STXBP6: variants seen among roughly 807,000 people sequenced by gnomAD.
STXBP6 encodes syntaxin-binding protein 6.
Under a neutral mutation model 26.9 loss-of-function variants are expected in STXBP6, and 21 were observed. That is an observed-to-expected ratio of 0.78 (90% CI 0.55 to 1.12). STXBP6 has a LOEUF of 1.12. STXBP6 is among the 50% of genes most tolerant of loss of function. The pLI, the probability that STXBP6 is intolerant of heterozygous loss-of-function variation, is 0.00. For synonymous variants in STXBP6, 97 were observed against 92.6 expected (o/e 1.05, Z -0.27); for missense variants, 232 against 257.9 (o/e 0.90, Z 0.69).
intron 2 of STXBP6, among the ~76,000 whole-genome samples, chr14:24,864,060 A>T (rs2139258413): frequency 6.6e-6 from 1 of 152,278 alleles, no homozygotes; most frequent in South Asian, 2.1e-4. Flanking sequence ...AGATAATGGA[A>T]GGGGTTAACT....
At chr14:24,965,522 C>T (rs2073707844) in intron 2 of STXBP6, among the ~76,000 whole-genome samples, 1 of 151,678 alleles carries the variant, frequency 6.6e-6, no homozygotes, top group African/African-American at 2.4e-5. Flanking sequence ...AGTGAGTATC[C>T]CACTAATGAT....
At chr14:25,024,864 A>G (rs148797562) in intron 1 of STXBP6, among the ~76,000 whole-genome samples, 2,195 of 152,336 alleles carry the variant, frequency 0.014, 46 homozygotes, top group African/African-American at 0.048. Context: ...CTTATGAAGC[A>G]TTATTATAGG....
chr14:24,873,674 G>T (rs1444775232), intron 2 of STXBP6, among the ~76,000 whole-genome samples: 1 of 152,130 alleles, frequency 6.6e-6, no homozygotes, highest in Non-Finnish European at 1.5e-5. Context: ...TGCGACATTT[G>T]TTTTTCCTCC....
chr14:24,891,161 A>T (rs1324491608), intron 2 of STXBP6, among the ~76,000 whole-genome samples: 1 of 152,192 alleles, frequency 6.6e-6, no homozygotes. Flanking sequence ...CAGTATGTTA[A>T]TTACGGATGC....
intron 2 of STXBP6, among the ~76,000 whole-genome samples, chr14:24,897,923 C>T (rs2139601882): frequency 6.6e-6 from 1 of 152,178 alleles, no homozygotes; most frequent in Non-Finnish European, 1.5e-5. Flanking sequence ...CCTCCTGGTC[C>T]CCTGAGTGTA....
intron 1 of STXBP6, among the ~76,000 whole-genome samples, chr14:25,013,831 T>A (rs938247892): frequency 6.6e-6 from 1 of 151,048 alleles, no homozygotes; most frequent in African/African-American, 2.4e-5. Flanking sequence ...TCAACTGCAA[T>A]GTGTAGACCT....
At chr14:24,948,710 A>G (rs2140040531) in intron 2 of STXBP6, among the ~76,000 whole-genome samples, 1 of 152,306 alleles carries the variant, frequency 6.6e-6, no homozygotes, top group Non-Finnish European at 1.5e-5. Flanking sequence ...TAGGTTGTAG[A>G]GTTTATCCTT....
chr14:24,810,030 T>C lies in STXBP6; in HGVS notation c.*2679A>G, dbSNP rs1251701982. ...TACATTTTACAAATACATTCTTTAA[T>C]ATGAAACATTAACCTGAATAACTGC... On this transcript the variant is annotated 3_prime_UTR_variant, in exon 6 of 6. Coordinates refer to ENST00000323944, the MANE Select transcript of STXBP6 (RefSeq NM_001394410.1). 2 of 152,234 alleles carry C rather than the reference T, an allele frequency of 1.3e-5. No homozygotes were observed. Among genetic ancestry groups the C allele is most frequent in the Non-Finnish European group, 2.9e-5 (2 of 68,040 alleles). The allele number at this position is 152,234 out of a possible 1,614,324, so 9.4% of individuals were successfully genotyped here.
chr14:25,010,356 A>G (rs2075000890), intron 1 of STXBP6, among the ~76,000 whole-genome samples: 1 of 152,242 alleles, frequency 6.6e-6, no homozygotes, highest in Admixed American at 6.5e-5. Flanking sequence ...TCTACTTCCC[A>G]AGCCTTTACA....
chr14:24,848,647 A>C (rs914397647), intron 4 of STXBP6, among the ~76,000 whole-genome samples: 6 of 152,136 alleles, frequency 3.9e-5, no homozygotes, highest in African/African-American at 1.4e-4. Flanking sequence ...CAGCTGTTTC[A>C]CAGCATGCAT....
intron 5 of STXBP6, chr14:24,817,625 A>G (rs114687927): frequency 0.011 from 1,900 of 165,252 alleles, 39 homozygotes; most frequent in African/African-American, 0.042. Context: ...GTTGTTAAAG[A>G]AGCTGAGGCT....
intron 4 of STXBP6, among the ~76,000 whole-genome samples, chr14:24,832,929 T>C (rs2068499403): frequency 1.3e-5 from 2 of 152,210 alleles, no homozygotes; most frequent in African/African-American, 4.8e-5. Context: ...CATTATCCTA[T>C]TAGTCCTAAT....
intron 2 of STXBP6, among the ~76,000 whole-genome samples, chr14:24,867,418 A>T (rs778709195): frequency 1.6e-4 from 25 of 152,224 alleles, no homozygotes; most frequent in African/African-American, 5.8e-4. Context: ...AAGACAATAA[A>T]CTAATCAGGA....
intron 2 of STXBP6, among the ~76,000 whole-genome samples, chr14:24,912,466 TGCA>T (rs1193011227): frequency 7.1e-6 from 1 of 141,756 alleles, no homozygotes; most frequent in African/African-American, 2.7e-5. Context: ...AAAAGTGAAA[TGCA>T]GCAACCAGTG....
intron 2 of STXBP6, among the ~76,000 whole-genome samples, chr14:24,904,422 T>C (rs1420151133): frequency 6.6e-6 from 1 of 152,204 alleles, no homozygotes; most frequent in Non-Finnish European, 1.5e-5. Flanking sequence ...TATTTTTTTG[T>C]AGAATATTAC....
intron 2 of STXBP6, among the ~76,000 whole-genome samples, chr14:24,860,480 A>C (rs2069495692): frequency 3.9e-5 from 6 of 152,156 alleles, no homozygotes. Context: ...CTGAAAGACC[A>C]CTTTTTCCAA....
At chr14:25,017,744 A>G (rs2075180296) in intron 1 of STXBP6, among the ~76,000 whole-genome samples, 2 of 152,198 alleles carry the variant, frequency 1.3e-5, no homozygotes, top group South Asian at 2.1e-4. Context: ...CAGAACAAAC[A>G]TGGGAGGAAG....
At chr14:24,819,483 C>T (rs1256352199) in intron 4 of STXBP6, 1 of 563,540 alleles carries the variant, frequency 1.8e-6, no homozygotes, top group Non-Finnish European at 3.1e-6. Context: ...TCTGTGGAGG[C>T]TCAAAAGGAT....
At chr14:24,850,737 C>A (rs2069123261) in intron 4 of STXBP6, among the ~76,000 whole-genome samples, 1 of 152,036 alleles carries the variant, frequency 6.6e-6, no homozygotes, top group African/African-American at 2.4e-5. Flanking sequence ...ATCTCCACAG[C>A]TAGTTTAGCA....
Sources: gnomAD v4.1 joint callset for allele counts (sites outside exome capture counted in the v4.1 genomes callset) on GRCh38, gnomAD v4.1.1 for gene constraint, MANE v1.5 for transcripts, NCBI Gene and HGNC (gene_info 2026-07-23, HGNC 2026-07-21) for gene names.